Variants in NLK observed in about 807,000 individuals in gnomAD.
The protein encoded by NLK is nemo like kinase.
NLK carries 11 observed loss-of-function variants against 59.0 expected under a neutral mutation model. The ratio of observed to expected loss-of-function variants is 0.19; its 90% CI spans 0.12 to 0.31. The LOEUF is 0.31. NLK is among the 10% of genes least tolerant of loss of function. NLK has a pLI of 1.00. For synonymous variants in NLK, 235 were observed against 235.9 expected (o/e 1.00, Z 0.03); for missense variants, 410 against 661.1 (o/e 0.62, Z 4.16).
At chr17:28,153,876 A>C (rs1156829578) in intron 3 of NLK, among the ~76,000 whole-genome samples, 2 of 152,212 alleles carry the variant, frequency 1.3e-5, no homozygotes, top group Non-Finnish European at 2.9e-5. Context: ...TAACATCCTT[A>C]ATATGAGAAA....
intron 3 of NLK, among the ~76,000 whole-genome samples, chr17:28,153,219 A>C (rs1907557528): frequency 6.6e-6 from 1 of 151,508 alleles, no homozygotes; most frequent in African/African-American, 2.4e-5. Context: ...GGTTGTGGTG[A>C]GCCGAGATCA....
intron 1 of NLK, among the ~76,000 whole-genome samples, chr17:28,081,668 G>A (rs1211860740): frequency 3.3e-5 from 5 of 152,134 alleles, no homozygotes; most frequent in African/African-American, 9.7e-5. Flanking sequence ...GGCCAATGAC[G>A]TGTACACTGG....
intron 1 of NLK, among the ~76,000 whole-genome samples, chr17:28,084,862 CCT>C (rs1228851567): frequency 9.2e-5 from 14 of 151,964 alleles, no homozygotes; most frequent in Admixed American, 9.2e-4. Flanking sequence ...GCACCCAGCC[CCT>C]GTCCCTACCT....
chr17:28,131,778 A>G (rs548064566), intron 2 of NLK, among the ~76,000 whole-genome samples: 1 of 152,184 alleles, frequency 6.6e-6, no homozygotes, highest in South Asian at 2.1e-4. Flanking sequence ...CACGGGTACT[A>G]TGCTGCTTTT....
At chr17:28,111,890 GTGTGTGGTGTGTGTGTGTGTGTGT>G (rs1905509616) in intron 1 of NLK, among the ~76,000 whole-genome samples, 1 of 117,564 alleles carries the variant, frequency 8.5e-6, no homozygotes, top group African/African-American at 3.5e-5. Flanking sequence ...GTGTGTGTGT[GTGTGTGGTGTGTGTGTGTGTGTGT>G]GTGTGTGTGT....
chr17:28,140,330 A>G (rs903868392), intron 3 of NLK, among the ~76,000 whole-genome samples: 1 of 152,222 alleles, frequency 6.6e-6, no homozygotes, highest in Non-Finnish European at 1.5e-5. Flanking sequence ...GATAATGAAA[A>G]GGTTCTGGAA....
At chr17:28,133,560 C>T (rs1597700777) in intron 3 of NLK, among the ~76,000 whole-genome samples, 1 of 152,060 alleles carries the variant, frequency 6.6e-6, no homozygotes, top group Non-Finnish European at 1.5e-5. Context: ...GGTAGTAGCT[C>T]CTGGGACTGT....
chr17:28,102,330 G>T (rs1262946516), intron 1 of NLK, among the ~76,000 whole-genome samples: 1 of 151,986 alleles, frequency 6.6e-6, no homozygotes, highest in Non-Finnish European at 1.5e-5. Context: ...AACATTTTTT[G>T]GATATTGTTG....
At chr17:28,161,311 G>A (rs1435599553) in intron 4 of NLK, 45 bp downstream of exon 4, 1 of 1,038,480 alleles carries the variant, frequency 9.6e-7, no homozygotes, top group Non-Finnish European at 1.5e-6. Context: ...CACTGTAAAT[G>A]AAATGTTTTG....
chr17:28,182,989 G>A (rs1908971395), intron 7 of NLK, among the ~76,000 whole-genome samples: 1 of 152,250 alleles, frequency 6.6e-6, no homozygotes, highest in Non-Finnish European at 1.5e-5. Context: ...ATGAAAGGCT[G>A]CTCTAGTCTG....
At chr17:28,171,566 G>C (rs569880037) in intron 6 of NLK, among the ~76,000 whole-genome samples, 5 of 152,174 alleles carry the variant, frequency 3.3e-5, no homozygotes, top group African/African-American at 9.7e-5. Context: ...TTCTGCCAGC[G>C]TAAGAGATTT....
At chr17:28,203,560 G>A in the NLK span, among the ~76,000 whole-genome samples, 1 of 151,910 alleles carries the variant, frequency 6.6e-6, no homozygotes. Context: ...TTTTTGAGAT[G>A]GAGTCTCACC....
At position 28,161,230 on chromosome 17, in the gene NLK, G is replaced by A; in HGVS notation, c.715G>A (p.Asp239Asn). 6.2e-7 allele frequency: 1 copy of A among 1,611,610 alleles called. No homozygotes were observed. Residue 239 changes from aspartate (D) to asparagine (N), a missense_variant, in exon 4 of 11, where the codon GAT (aspartate) becomes AAT (asparagine). Physicochemically the swap from Asp to Asn is conservative, Grantham distance 23. Coordinates refer to ENST00000407008, the MANE Select transcript of NLK (RefSeq NM_016231.5). ...IIVSPQPLSSDHVKVFLYQIL... is the reference protein window; with the variant it reads ...IIVSPQPLSSNHVKVFLYQIL... ...CGTCTCTCCTCAACCACTCAGCTCA[G>A]ATCATGTCAAAGTTTTTCTTTATCA...
chr17:28,186,311 G>T (rs947410175), intron 8 of NLK, among the ~76,000 whole-genome samples: 5 of 152,172 alleles, frequency 3.3e-5, no homozygotes, highest in African/African-American at 1.2e-4. Flanking sequence ...AGGAGTTCAG[G>T]TTTGTGAGAA....
chr17:28,138,361 C>T lies in NLK; in HGVS notation c.644+5686C>T, dbSNP rs578143622. ...AGAAGTCTAGTGGAGTGTCCGTACA[C>T]GCTGGTTTGTTGGGACAGTCTTGGA... On this transcript the variant is annotated intron_variant, in intron 3 of 10. Transcript: ENST00000407008. Among the ~76,000 whole-genome samples the T allele has an allele frequency of 6.6e-5, 10 of 152,306 alleles. No individual in the cohort carries two copies. In the South Asian group the frequency reaches 1.7e-3, roughly 25 times the overall value.
chr17:28,058,463 C>T (rs542510808), intron 1 of NLK, among the ~76,000 whole-genome samples: 2 of 152,244 alleles, frequency 1.3e-5, no homozygotes, highest in East Asian at 3.9e-4. Context: ...TGCTTATAAC[C>T]ACTTGTGACA....
chr17:28,181,071 C>G (rs984719951), intron 7 of NLK, among the ~76,000 whole-genome samples: 1 of 151,672 alleles, frequency 6.6e-6, no homozygotes, highest in East Asian at 2.0e-4. Context: ...CTGGGCAACA[C>G]AGGGAGACCC....
intron 9 of NLK, among the ~76,000 whole-genome samples, chr17:28,191,640 C>G (rs1567742965): frequency 1.3e-5 from 2 of 152,092 alleles, no homozygotes; most frequent in South Asian, 4.1e-4. Flanking sequence ...GGCAGGATCT[C>G]CTATTGGAAT....
intron 1 of NLK, among the ~76,000 whole-genome samples, chr17:28,080,379 A>G (rs894344036): frequency 6.6e-6 from 1 of 152,130 alleles, no homozygotes; most frequent in African/African-American, 2.4e-5. Context: ...CAGGAGTTCA[A>G]GACCAGCCTG....
Sources: allele counts gnomAD v4.1 joint callset (sites outside exome capture counted in the v4.1 genomes callset), GRCh38; gene constraint gnomAD v4.1.1; transcripts MANE v1.5; gene names NCBI Gene and HGNC (gene_info 2026-07-23, HGNC 2026-07-21).